ARID1B: variants seen among roughly 807,000 people sequenced by gnomAD.
The protein encoded by ARID1B is AT-rich interactive domain-containing protein 1B.
ARID1B carries 30 observed loss-of-function variants against 212.3 expected under a neutral mutation model. The observed-to-expected ratio is 0.14, with a 90% CI of 0.11 to 0.19. ARID1B has a LOEUF of 0.19. Among genes scored for constraint, ARID1B ranks in the 10% least tolerant of loss-of-function variants. The pLI, the probability that ARID1B is intolerant of heterozygous loss-of-function variation, is 1.00. For synonymous variants in ARID1B, 1,402 were observed against 1,301.7 expected (o/e 1.08, Z -1.66); for missense variants, 2,891 against 3,204.0 (o/e 0.90, Z 2.36).
chr6:157,056,001 T>C (rs1782932836), intron 4 of ARID1B, among the ~76,000 whole-genome samples: 1 of 152,196 alleles, frequency 6.6e-6, no homozygotes, highest in Non-Finnish European at 1.5e-5. Context: ...ATCACCTCTT[T>C]AGGTCAGACC....
intron 4 of ARID1B, among the ~76,000 whole-genome samples, chr6:157,039,743 CCCTTCCTT>C (rs71027322): frequency 2.1e-4 from 19 of 92,118 alleles, no homozygotes; most frequent in East Asian, 4.5e-4. Context: ...CTCCCTCCCT[CCCTTCCTT>C]CCTTCCTACC....
intron 2 of ARID1B, among the ~76,000 whole-genome samples, chr6:156,882,684 T>C (rs867330041): frequency 1.8e-4 from 28 of 152,298 alleles, no homozygotes; most frequent in African/African-American, 6.7e-4. Context: ...TTCTATACTT[T>C]TTCGTAGGAT....
intron 4 of ARID1B, among the ~76,000 whole-genome samples, chr6:157,063,552 T>C (rs1421843454): frequency 6.6e-6 from 1 of 152,218 alleles, no homozygotes; most frequent in Non-Finnish European, 1.5e-5. Flanking sequence ...TTTAATTCTA[T>C]TATACCATAA....
At chr6:157,144,390 AAAAGGTTTCTTACC>A (rs1234720042) in intron 7 of ARID1B, among the ~76,000 whole-genome samples, 2 of 152,248 alleles carry the variant, frequency 1.3e-5, no homozygotes, top group Admixed American at 1.3e-4. Flanking sequence ...TTTTCACTGA[AAAAGGTTTCTTACC>A]AACTGAGTCA....
intron 1 of ARID1B, among the ~76,000 whole-genome samples, chr6:156,819,527 G>A (rs544316899): frequency 8.5e-5 from 13 of 152,326 alleles, no homozygotes; most frequent in Admixed American, 8.5e-4. Context: ...AAGCTGCTGA[G>A]CTTTGGGGGA....
At chr6:156,871,519 A>G (rs1275504796) in intron 2 of ARID1B, 2 of 1,105,828 alleles carry the variant, frequency 1.8e-6, no homozygotes, top group African/African-American at 1.5e-5. Flanking sequence ...TAAGTTGCTC[A>G]AGGTCACCTA....
chr6:156,823,660 A>G (rs1323420553), intron 1 of ARID1B, among the ~76,000 whole-genome samples: 1 of 147,894 alleles, frequency 6.8e-6, no homozygotes, highest in Non-Finnish European at 1.5e-5. Context: ...ACAAGATTCG[A>G]TAGTTCTTTC....
chr6:156,936,659 C>CAAAAA (rs1156493021), intron 4 of ARID1B: 1 of 96,424 alleles, frequency 1.0e-5, no homozygotes, highest in Non-Finnish European at 2.3e-5. Context: ...GACTCCATCT[C>CAAAAA]AAAAAAAAAA....
chr6:156,861,429 C>A (rs1785323696), intron 2 of ARID1B, among the ~76,000 whole-genome samples: 1 of 151,746 alleles, frequency 6.6e-6, no homozygotes, highest in African/African-American at 2.4e-5. Flanking sequence ...GGCAACATGG[C>A]AAAACCCTGT....
intron 2 of ARID1B, among the ~76,000 whole-genome samples, chr6:156,885,769 T>G (rs545864215): frequency 1.4e-4 from 22 of 152,366 alleles, no homozygotes; most frequent in Non-Finnish European, 2.8e-4. Context: ...GAGTTCCTGT[T>G]TCTTGCCCAG....
At chr6:157,035,697 C>A (rs1252265807) in intron 4 of ARID1B, among the ~76,000 whole-genome samples, 2 of 152,208 alleles carry the variant, frequency 1.3e-5, no homozygotes, top group Non-Finnish European at 2.9e-5. Context: ...GAAAACGAGG[C>A]TGCTCATCTC....
chr6:157,141,426 G>A (rs1389982006), intron 7 of ARID1B: 1 of 152,156 alleles, frequency 6.6e-6, no homozygotes, highest in Non-Finnish European at 1.5e-5. Flanking sequence ...GAGAAATATG[G>A]TACCTTATGT....
At chr6:157,153,789 C>CAGGTA in intron 8 of ARID1B, among the ~76,000 whole-genome samples, 1 of 152,302 alleles carries the variant, frequency 6.6e-6, no homozygotes, top group Admixed American at 6.5e-5. Flanking sequence ...GCACGTGCCA[C>CAGGTA]CATACCTGGC....
At chr6:156,931,521 CA>C (rs1791714522) in intron 3 of ARID1B, among the ~76,000 whole-genome samples, 1 of 152,106 alleles carries the variant, frequency 6.6e-6, no homozygotes, top group Non-Finnish European at 1.5e-5. Context: ...GGCATTCAGT[CA>C]GCGTCTACGA....
intron 2 of ARID1B, among the ~76,000 whole-genome samples, chr6:156,894,302 G>C (rs1788210937): frequency 6.7e-6 from 1 of 148,156 alleles, no homozygotes; most frequent in Non-Finnish European, 1.5e-5. Context: ...GTTGGGATGG[G>C]GGCCGGGGGT....
At chr6:157,004,910 T>G (rs972207157) in intron 4 of ARID1B, among the ~76,000 whole-genome samples, 69 of 114,696 alleles carry the variant, frequency 6.0e-4, no homozygotes, top group African/African-American at 2.0e-3. Context: ...TTTTTTTTTT[T>G]TTTTTTTTTT....
At chr6:156,895,369 C>T (rs1412800831) in intron 2 of ARID1B, among the ~76,000 whole-genome samples, 1 of 152,172 alleles carries the variant, frequency 6.6e-6, no homozygotes, top group African/African-American at 2.4e-5. Flanking sequence ...GTCCTGAATG[C>T]CCTGATGGCT....
rs201020266 is a variant in ARID1B at position 157,083,978 on chromosome 6, AC to A, written c.2248-683del. Among the ~76,000 whole-genome samples, 2,652 of 152,106 alleles carry A rather than the reference AC, an allele frequency of 0.017. 193 individuals are homozygous for A. In the East Asian group the frequency reaches 0.24, roughly 14 times the overall value. ...GTGAAACCCCGTCTCTATTAAAAAT[AC>A]AAAAATTAGCCAGGTGTGGTGGCAG... On this transcript the variant is annotated intron_variant, in intron 4 of 19. Transcript: ENST00000636930.
At chr6:156,961,971 A>G (rs921687310) in intron 4 of ARID1B, among the ~76,000 whole-genome samples, 4 of 152,040 alleles carry the variant, frequency 2.6e-5, no homozygotes, top group Non-Finnish European at 5.9e-5. Flanking sequence ...TTTCTCTGAT[A>G]GAATAATTTT....
Sources: gnomAD v4.1 joint callset for allele counts (sites outside exome capture counted in the v4.1 genomes callset) on GRCh38, gnomAD v4.1.1 for gene constraint, MANE v1.5 for transcripts, NCBI Gene and HGNC (gene_info 2026-07-23, HGNC 2026-07-21) for gene names.